CLPTM1: variants seen among roughly 807,000 people sequenced by gnomAD.
CLPTM1 encodes the protein putative lipid scramblase CLPTM1.
Under a neutral mutation model 77.3 loss-of-function variants are expected in CLPTM1, and 21 were observed. The ratio of observed to expected loss-of-function variants is 0.27; its 90% CI spans 0.19 to 0.39. The LOEUF is 0.39. Ranked by LOEUF, CLPTM1 falls within the 10% of genes least tolerant of loss-of-function variation. The pLI is 1.00. For synonymous variants in CLPTM1, 373 were observed against 381.0 expected, an observed-to-expected ratio of 0.98 and a Z score of 0.24; for missense variants, 642 against 921.2, an observed-to-expected ratio of 0.70 and a Z score of 3.92.
intron 4 of CLPTM1, among the ~76,000 whole-genome samples, chr19:44,975,950 C>T (rs1233541668): frequency 6.6e-6 from 1 of 152,118 alleles, no homozygotes; most frequent in African/African-American, 2.4e-5. Flanking sequence ...GCAGCCTCAA[C>T]CTCCTGGGCT....
upstream of CLPTM1, chr19:44,955,159 C>G (rs1970438539): frequency 1.3e-6 from 2 of 1,535,472 alleles, no homozygotes; most frequent in Middle Eastern, 1.7e-4. Flanking sequence ...TCCTGGAGTT[C>G]GGAGCATACA....
At chr19:44,966,635 C>G (rs1445081756) in intron 2 of CLPTM1, among the ~76,000 whole-genome samples, 1 of 141,464 alleles carries the variant, frequency 7.1e-6, no homozygotes, top group Admixed American at 7.4e-5. Context: ...GGTTATCACC[C>G]TTCTTGAGCC....
upstream of CLPTM1, chr19:44,954,702 G>C: frequency 8.4e-7 from 1 of 1,195,772 alleles, no homozygotes; most frequent in Non-Finnish European, 1.0e-6. Flanking sequence ...CGGATGCGAG[G>C]TTTGGACCAC....
At chr19:44,955,632 C>A (rs1355986124) in intron 1 of CLPTM1, 165 bp downstream of exon 1, 1 of 636,640 alleles carries the variant, frequency 1.6e-6, no homozygotes, top group Non-Finnish European at 2.2e-6. Flanking sequence ...GGAGGCCGGA[C>A]GGTGCCGGGA....
Position 44,991,449 on chromosome 19 carries a change from AC to A in CLPTM1, c.1555+79del. On this transcript the variant is annotated intron_variant, in intron 12 of 13. Coordinates refer to ENST00000337392, the MANE Select transcript of CLPTM1 (RefSeq NM_001294.4). The surrounding 1 kb of genome is among the most constrained non-coding windows in gnomAD (Gnocchi z 5.4). The stretch of plus-strand genomic sequence containing the variant: ...CTCACAGCCCCAGTGTAGGAGACAG[AC>A]CCATCCCCAGACAGGGACAACCTAG... 1.9e-6 allele frequency: 3 copies of A among 1,551,948 alleles called. No individual in the cohort carries two copies. The highest frequency in any genetic ancestry group is 2.6e-6 in the Non-Finnish European group (3 of 1,143,870).
chr19:44,973,063 C>T, intron 2 of CLPTM1, 24 bp from the exon 3 acceptor site: 1 of 1,611,784 alleles, frequency 6.2e-7, no homozygotes, highest in Non-Finnish European at 8.5e-7. Context: ...TGGGGACTCA[C>T]CACCTTGCTG....
At position 44,985,354 on chromosome 19, in the gene CLPTM1, C is replaced by T. The variant is rs747590922; in HGVS notation, c.672+51C>T. On this transcript the variant is annotated intron_variant, in intron 6 of 13. Coordinates refer to ENST00000337392, the MANE Select transcript of CLPTM1 (RefSeq NM_001294.4). ...TATAGGGACCAAGCCAGGCCATTCACAGCTCATCCCAGACCACTGGGGCTG... is the reference window on the plus strand; with the variant it reads ...TATAGGGACCAAGCCAGGCCATTCATAGCTCATCCCAGACCACTGGGGCTG... 60 of 1,257,950 alleles carry T rather than the reference C, an allele frequency of 4.8e-5. No individual in the cohort carries two copies. In the South Asian group the frequency reaches 6.8e-4, roughly 14 times the overall value. The allele number at this position is 1,257,950 out of a possible 1,614,324, so 77.9% of individuals were successfully genotyped here.
chr19:44,955,700 TCATTGC>T (rs1970452761), intron 1 of CLPTM1: 1 of 391,606 alleles, frequency 2.6e-6, no homozygotes, highest in African/African-American at 2.1e-5. Context: ...GCCACCAGGC[TCATTGC>T]TCGATCCGGG....
At chr19:44,959,448 A>T (rs1183530410) in intron 1 of CLPTM1, among the ~76,000 whole-genome samples, 1 of 151,930 alleles carries the variant, frequency 6.6e-6, no homozygotes, top group Non-Finnish European at 1.5e-5. Flanking sequence ...TCATTCTCCA[A>T]GGCTCAATTG....
intron 2 of CLPTM1, among the ~76,000 whole-genome samples, chr19:44,968,786 A>G (rs1048043063): frequency 6.6e-6 from 1 of 151,988 alleles, no homozygotes; most frequent in Non-Finnish European, 1.5e-5. Context: ...CTGCTTCTAC[A>G]CTCTCCCCTG....
chr19:44,974,705 C>A, intron 4 of CLPTM1, 108 bp downstream of exon 4: 1 of 1,286,472 alleles, frequency 7.8e-7, no homozygotes, highest in Non-Finnish European at 1.1e-6. Flanking sequence ...GGGCTCCAGG[C>A]TTGGCCCTTC....
rs143838025 is a variant in CLPTM1, at chr19:44,985,976, G to A, written c.673-479G>A. ...GGTGGGAGGATCCTGTCGGTGGCCG[G>A]AAGGGTCCTGGGTGGCGGAATCTCT... On this transcript the variant is annotated intron_variant, in intron 6 of 13. Coordinates refer to ENST00000337392, the MANE Select transcript of CLPTM1 (RefSeq NM_001294.4). 5.8e-3 allele frequency among the ~76,000 whole-genome samples: 882 copies of A among 152,286 alleles called. 7 individuals carry two copies. Among genetic ancestry groups the A allele is most frequent in the African/African-American group, 0.017 (714 of 41,554 alleles).
chr19:44,990,105 C>T lies in CLPTM1; in HGVS notation c.1133-290C>T. 1 of 440,726 alleles carries T rather than the reference C, an allele frequency of 2.3e-6. No individual in the cohort carries two copies. The highest frequency in any genetic ancestry group is 4.2e-5 in the South Asian group (1 of 23,608). 27.3% of individuals were successfully genotyped at this position (440,726 alleles called of 1,614,324 possible). A position where few individuals can be genotyped will look rare whatever the true frequency, so the allele number is the denominator to read the frequency against. On this transcript the variant is annotated intron_variant, in intron 9 of 13. Coordinates refer to ENST00000337392, the MANE Select transcript of CLPTM1 (RefSeq NM_001294.4). This position sits in a 1 kb window ranked among gnomAD's most constrained non-coding sequence, Gnocchi z 4.8. ...CTTAGCACCTGGCACGTGGTGAGCC[C>T]TGTCCATGGCACCAGTCACCGTCAC...
At chr19:44,987,500 T>C (rs1971000094) in intron 8 of CLPTM1, 77 bp downstream of exon 8, 1 of 1,569,032 alleles carries the variant, frequency 6.4e-7, no homozygotes, top group African/African-American at 1.3e-5. Context: ...GTGCCAGGCC[T>C]GGGCTGTGGG....
At chr19:44,979,165 A>C (rs931503867) in intron 5 of CLPTM1, among the ~76,000 whole-genome samples, 31 of 152,028 alleles carry the variant, frequency 2.0e-4, no homozygotes, top group African/African-American at 6.3e-4. Context: ...TTTTTAGTAG[A>C]GACGGGGTTT....
At chr19:44,959,127 A>G (rs1158401521) in intron 1 of CLPTM1, among the ~76,000 whole-genome samples, 1 of 152,166 alleles carries the variant, frequency 6.6e-6, no homozygotes, top group Non-Finnish European at 1.5e-5. Context: ...TCAGTCCTTG[A>G]AGGATATTTG....
Position 44,990,712 on chromosome 19 carries a change from G to A in CLPTM1, c.1323+127G>A. On this transcript the variant is annotated intron_variant, in intron 10 of 13. Coordinates refer to ENST00000337392, the MANE Select transcript of CLPTM1 (RefSeq NM_001294.4). This position sits in a 1 kb window ranked among gnomAD's most constrained non-coding sequence, Gnocchi z 4.8. Reference sequence around the variant, plus strand: ...AGTGCCTCACTCCCAGGACTGAGGGGATTTTCTCACCAGGGGATTTTTTGG... The same window carrying A: ...AGTGCCTCACTCCCAGGACTGAGGGAATTTTCTCACCAGGGGATTTTTTGG... 4 of 1,334,922 alleles carry A rather than the reference G, an allele frequency of 3.0e-6. No individual in the cohort carries two copies. Among genetic ancestry groups the A allele is most frequent in the South Asian group, 1.3e-5 (1 of 79,598 alleles). 82.7% of individuals were successfully genotyped at this position (1,334,922 alleles called of 1,614,324 possible).
At chr19:44,982,445 A>T (rs1440793542) in intron 5 of CLPTM1, among the ~76,000 whole-genome samples, 1 of 152,158 alleles carries the variant, frequency 6.6e-6, no homozygotes, top group Non-Finnish European at 1.5e-5. Flanking sequence ...TGTGGCCAGC[A>T]ACCCTGATAC....
At chr19:44,963,594 C>T (rs991554293) in intron 2 of CLPTM1, among the ~76,000 whole-genome samples, 6 of 149,200 alleles carry the variant, frequency 4.0e-5, no homozygotes, top group African/African-American at 9.9e-5. Flanking sequence ...CAAAGTGCTG[C>T]GATTACAGGT....
Sources: gnomAD v4.1 joint callset for allele counts (sites outside exome capture counted in the v4.1 genomes callset) on GRCh38, gnomAD v4.1.1 for gene constraint, Gnocchi (gnomAD v3.1) non-coding constraint, MANE v1.5 for transcripts, NCBI Gene and HGNC (gene_info 2026-07-23, HGNC 2026-07-21) for gene names.